TASP1: variants seen among roughly 807,000 people sequenced by gnomAD.
The protein encoded by TASP1 is taspase 1, also known as threonine aspartase 1.
A neutral mutation model predicts 56.6 loss-of-function variants in TASP1; 16 were observed. The observed-to-expected ratio is 0.28, with a 90% CI of 0.19 to 0.43. The LOEUF (loss-of-function observed/expected upper bound fraction) is 0.43, where lower values mean the gene tolerates loss of function less well. TASP1 is among the 20% of genes least tolerant of loss of function. The probability of loss-of-function intolerance (pLI) is 1.00; values close to 1 mark genes in which losing one functional copy is unlikely to be tolerated. For synonymous variants in TASP1, 179 were observed against 184.2 expected (o/e 0.97, Z 0.23); for missense variants, 393 against 511.6 (o/e 0.77, Z 2.24).
chr20:13,439,632 T>C (rs2146221227), intron 11 of TASP1, among the ~76,000 whole-genome samples: 1 of 152,130 alleles, frequency 6.6e-6, no homozygotes, highest in African/African-American at 2.4e-5. Context: ...GTTGTGCACA[T>C]GTACCCTAAA....
the TASP1 span, among the ~76,000 whole-genome samples, chr20:13,284,075 C>T: frequency 6.6e-6 from 1 of 152,198 alleles, no homozygotes; most frequent in East Asian, 1.9e-4. Context: ...CTCAGTCTCC[C>T]TGCCCATAAA....
In TASP1 at chr20:13,625,791, T is replaced by G. The variant is rs75517686; in HGVS notation, c.146-539A>C. Among the ~76,000 whole-genome samples, 1,292 of 152,316 alleles carry G rather than the reference T, an allele frequency of 8.5e-3. 22 individuals are homozygous for G. Among genetic ancestry groups the G allele is most frequent in the African/African-American group, 0.029 (1,218 of 41,560 alleles). ...ATTCCTAAACAAACACTTCACATCC[T>G]CTCACCCACTAGAATGTAGCTCAGG... On this transcript the variant is annotated intron_variant, in intron 2 of 13. Transcript: ENST00000337743.
intron 4 of TASP1, among the ~76,000 whole-genome samples, chr20:13,593,181 A>G (rs936364079): frequency 6.6e-6 from 1 of 152,220 alleles, no homozygotes; most frequent in South Asian, 2.1e-4. Context: ...ATAACCAAGT[A>G]GCGTTTATTC....
chr20:13,536,748 C>G (rs997012202), intron 8 of TASP1, among the ~76,000 whole-genome samples: 8 of 152,030 alleles, frequency 5.3e-5, no homozygotes, highest in Non-Finnish European at 1.2e-4. Context: ...ATGATTGCTT[C>G]TGGTAAATAA....
chr20:13,610,349 A>G (rs2048308274), intron 4 of TASP1, among the ~76,000 whole-genome samples: 1 of 152,194 alleles, frequency 6.6e-6, no homozygotes, highest in Non-Finnish European at 1.5e-5. Context: ...AGGCAAGACT[A>G]ATATATGGCA....
chr20:13,599,594 T>C (rs982355473), intron 4 of TASP1, among the ~76,000 whole-genome samples: 2 of 152,046 alleles, frequency 1.3e-5, no homozygotes, highest in African/African-American at 2.4e-5. Context: ...AGTTGATGGG[T>C]GCAGCAAACC....
chr20:13,225,012 ATTTT>A, the TASP1 span, among the ~76,000 whole-genome samples: 2 of 137,662 alleles, frequency 1.5e-5, no homozygotes, highest in African/African-American at 5.7e-5. Context: ...CGCCCGGCTA[ATTTT>A]TTTTTTTTTT....
intron 11 of TASP1, among the ~76,000 whole-genome samples, chr20:13,448,644 T>C (rs117662886): frequency 2.4e-3 from 371 of 152,244 alleles, no homozygotes; most frequent in Non-Finnish European, 4.8e-3. Context: ...GCAAGTAGAC[T>C]TGTACATAAT....
chr20:13,602,525 G>A (rs1470520277), intron 4 of TASP1, among the ~76,000 whole-genome samples: 1 of 152,190 alleles, frequency 6.6e-6, no homozygotes, highest in Non-Finnish European at 1.5e-5. Context: ...ATTAGCATAT[G>A]AGAATTCTCT....
the TASP1 span, among the ~76,000 whole-genome samples, chr20:13,133,434 C>T: frequency 9.2e-4 from 140 of 152,158 alleles, no homozygotes; most frequent in Middle Eastern, 3.4e-3. Flanking sequence ...AGATAGAAAC[C>T]ATTAAATCTC....
intron 4 of TASP1, among the ~76,000 whole-genome samples, chr20:13,588,085 C>CA (rs893176859): frequency 8.0e-5 from 12 of 149,406 alleles, no homozygotes; most frequent in South Asian, 2.1e-4. Context: ...ATAATTACGC[C>CA]AAAAAAAAAG....
At chr20:13,463,281 C>CGAAAAT (rs1208762728) in intron 11 of TASP1, among the ~76,000 whole-genome samples, 22 of 152,098 alleles carry the variant, frequency 1.4e-4, no homozygotes, top group South Asian at 1.2e-3. Flanking sequence ...TAGTCTTTTT[C>CGAAAAT]GATAATGATG....
chr20:13,509,013 G>A (rs1356110989), intron 10 of TASP1, among the ~76,000 whole-genome samples: 1 of 152,006 alleles, frequency 6.6e-6, no homozygotes, highest in Non-Finnish European at 1.5e-5. Flanking sequence ...AATGAAATCA[G>A]TACCTCAAAC....
intron 4 of TASP1, among the ~76,000 whole-genome samples, chr20:13,591,535 A>C (rs995908706): frequency 1.3e-5 from 2 of 152,124 alleles, no homozygotes; most frequent in African/African-American, 4.8e-5. Flanking sequence ...ACACATAAAA[A>C]TTGGGATAAT....
the TASP1 span, among the ~76,000 whole-genome samples, chr20:13,290,637 G>A: frequency 2.0e-5 from 3 of 152,024 alleles, no homozygotes; most frequent in South Asian, 2.1e-4. Flanking sequence ...CAGCCCGGGC[G>A]ACAGAGCAAG....
At chr20:13,110,548 A>G in the TASP1 span, among the ~76,000 whole-genome samples, 9 of 152,130 alleles carry the variant, frequency 5.9e-5, no homozygotes, top group Admixed American at 5.9e-4. Flanking sequence ...TGGGTTATTC[A>G]AGATCAAAAC....
intron 10 of TASP1, among the ~76,000 whole-genome samples, chr20:13,509,524 A>ATGGAT (rs1363116253): frequency 6.6e-6 from 1 of 152,134 alleles, no homozygotes; most frequent in Non-Finnish European, 1.5e-5. Flanking sequence ...ATGTGAGTTG[A>ATGGAT]TGGATTATGT....
chr20:13,566,221 T>G (rs1199981814), intron 7 of TASP1, among the ~76,000 whole-genome samples: 1 of 152,080 alleles, frequency 6.6e-6, no homozygotes, highest in Non-Finnish European at 1.5e-5. Flanking sequence ...TGTTACGAGA[T>G]GAAGAGGGTT....
the TASP1 span, among the ~76,000 whole-genome samples, chr20:13,301,979 G>T: frequency 1.3e-5 from 2 of 152,160 alleles, no homozygotes; most frequent in Non-Finnish European, 1.5e-5. Context: ...AAGGGGAAGT[G>T]GGTGTATTTG....
Sources: allele counts gnomAD v4.1 joint callset (sites outside exome capture counted in the v4.1 genomes callset), GRCh38; gene constraint gnomAD v4.1.1; transcripts MANE v1.5; gene names NCBI Gene and HGNC (gene_info 2026-07-23, HGNC 2026-07-21).